TMEM181: variants seen among roughly 807,000 people sequenced by gnomAD.
TMEM181 encodes the protein G protein-coupled receptor 178.
In TMEM181, 39 loss-of-function variants were observed where a neutral mutation model predicts 71.9. That is an observed-to-expected ratio of 0.54 (90% CI 0.42 to 0.71). The LOEUF (loss-of-function observed/expected upper bound fraction) is 0.71. TMEM181 is among the 30% of genes least tolerant of loss of function. The pLI, the probability that TMEM181 is intolerant of heterozygous loss-of-function variation, is 0.00. For missense variants in TMEM181, 595 were observed against 583.0 expected (o/e 1.02, Z -0.21); for synonymous variants, 245 against 228.8 (o/e 1.07, Z -0.64).
At chr6:158,604,978 G>A (rs1784863992) in intron 6 of TMEM181, among the ~76,000 whole-genome samples, 1 of 151,878 alleles carries the variant, frequency 6.6e-6, no homozygotes, top group African/African-American at 2.4e-5. Flanking sequence ...AACCTGCATG[G>A]TGGCAGGCAC....
At chr6:158,607,929 C>T (rs1583025237) in intron 8 of TMEM181, among the ~76,000 whole-genome samples, 1 of 152,254 alleles carries the variant, frequency 6.6e-6, no homozygotes, top group African/African-American at 2.4e-5. Context: ...TTCCTCTTTT[C>T]CTGCTCCAAA....
intron 13 of TMEM181, among the ~76,000 whole-genome samples, chr6:158,626,985 C>G (rs1272868957): frequency 6.7e-6 from 1 of 149,316 alleles, no homozygotes; most frequent in Non-Finnish European, 1.5e-5. Context: ...TCATCACTCA[C>G]ACACCCTCAC....
chr6:158,573,398 C>T (rs762331879), intron 1 of TMEM181, 22 bp from the exon 2 acceptor site: 2 of 1,560,216 alleles, frequency 1.3e-6, no homozygotes, highest in Non-Finnish European at 1.7e-6. Context: ...GACCGTCCCT[C>T]ACTGCTGGCT....
chr6:158,561,285 A>G (rs548918992), intron 1 of TMEM181, among the ~76,000 whole-genome samples: 6 of 152,172 alleles, frequency 3.9e-5, no homozygotes, highest in Non-Finnish European at 7.3e-5. Flanking sequence ...TGACTTTGGT[A>G]TGTTGCTTTA....
intron 10 of TMEM181, chr6:158,610,631 G>T (rs964723580): frequency 6.6e-5 from 22 of 335,668 alleles, no homozygotes; most frequent in Non-Finnish European, 1.0e-4. Flanking sequence ...CGAGCTTCTG[G>T]AGAAGTGAAA....
At chr6:158,609,216 G>A (rs1422489178) in intron 10 of TMEM181, among the ~76,000 whole-genome samples, 2 of 151,984 alleles carry the variant, frequency 1.3e-5, no homozygotes, top group African/African-American at 2.4e-5. Context: ...CCTTATTTTT[G>A]GGGGATTTGT....
chr6:158,612,844 A>C (rs368881270), intron 10 of TMEM181, among the ~76,000 whole-genome samples: 1 of 152,268 alleles, frequency 6.6e-6, no homozygotes, highest in Non-Finnish European at 1.5e-5. Context: ...AGGGTGCTGC[A>C]GTACATAGTC....
At chr6:158,577,839 C>T (rs1582973864) in intron 2 of TMEM181, among the ~76,000 whole-genome samples, 2 of 152,262 alleles carry the variant, frequency 1.3e-5, no homozygotes, top group African/African-American at 4.8e-5. Context: ...CCCTGTAATC[C>T]CAGTACTTTG....
chr6:158,572,857 T>C (rs961908872), intron 1 of TMEM181, among the ~76,000 whole-genome samples: 1 of 151,182 alleles, frequency 6.6e-6, no homozygotes, highest in Non-Finnish European at 1.5e-5. Context: ...GATGTGGGCT[T>C]GTGGGAATGG....
Position 158,631,803 on chromosome 6 carries a change from C to T in TMEM181, c.1350-7C>T. On this transcript the variant is annotated splice_region_variant and splice_polypyrimidine_tract_variant and intron_variant, in intron 16 of 16. Coordinates refer to ENST00000684151, the MANE Select transcript of TMEM181 (RefSeq NM_001376852.1). ...TTAGACGGTCTCAAAGGTCTCTTTGCTCACAGGAGTGACTATGAGGAAATG... is the reference window on the plus strand; with the variant it reads ...TTAGACGGTCTCAAAGGTCTCTTTGTTCACAGGAGTGACTATGAGGAAATG... The T allele has an allele frequency of 1.3e-6, 2 of 1,592,830 alleles. No individual in the cohort carries two copies. Among genetic ancestry groups the T allele is most frequent in the South Asian group, 1.1e-5 (1 of 87,620 alleles).
chr6:158,542,243 T>G (rs978534324), intron 1 of TMEM181, among the ~76,000 whole-genome samples: 3 of 152,112 alleles, frequency 2.0e-5, no homozygotes, highest in African/African-American at 7.2e-5. Flanking sequence ...GAGGCTAACA[T>G]ATTCTGAATC....
At chr6:158,579,157 G>A (rs1783328370) in intron 2 of TMEM181, among the ~76,000 whole-genome samples, 1 of 152,062 alleles carries the variant, frequency 6.6e-6, no homozygotes, top group Admixed American at 6.5e-5. Flanking sequence ...TACTTGGGAG[G>A]CTGAGGCAGG....
At chr6:158,567,010 G>A (rs990387947) in intron 1 of TMEM181, among the ~76,000 whole-genome samples, 3 of 152,338 alleles carry the variant, frequency 2.0e-5, no homozygotes, top group African/African-American at 4.8e-5. Flanking sequence ...ACCTGTGAAA[G>A]TGAGATTAAT....
chr6:158,625,177 GT>G lies in TMEM181; in HGVS notation c.1030del (p.Ser344ProfsTer13). 1.2e-6 allele frequency: 2 copies of G among 1,614,210 alleles called. No homozygotes were observed. Among genetic ancestry groups the G allele is most frequent in the Non-Finnish European group, 1.7e-6 (2 of 1,180,038 alleles). On this transcript the variant is annotated frameshift_variant, in exon 12 of 17. Transcript: ENST00000684151. LOFTEE classifies it high-confidence loss of function. ...LYLLFLIVRA[C>X]SELRHMPYVD... ...CTCTTGTTCTTGATAGTGCGGGCGT[GT>G]TCCGAGCTACGTCACATGCCTTATG... is the stretch of plus-strand genomic sequence containing the variant.
intron 3 of TMEM181, among the ~76,000 whole-genome samples, chr6:158,582,974 C>CTTG (rs1293002020): frequency 6.6e-6 from 1 of 152,188 alleles, no homozygotes; most frequent in Non-Finnish European, 1.5e-5. Flanking sequence ...GTGGCTCATG[C>CTTG]TTGTAATCCC....
intron 1 of TMEM181, among the ~76,000 whole-genome samples, chr6:158,540,750 C>T (rs1008907517): frequency 6.6e-6 from 1 of 152,026 alleles, no homozygotes; most frequent in Non-Finnish European, 1.5e-5. Flanking sequence ...GGCTGCACAT[C>T]AGAATCATCT....
At chr6:158,628,047 A>G (rs1360101193) in intron 13 of TMEM181, among the ~76,000 whole-genome samples, 1 of 152,224 alleles carries the variant, frequency 6.6e-6, no homozygotes, top group Non-Finnish European at 1.5e-5. Flanking sequence ...GCTCTGTCAC[A>G]GGAGATGGTC....
intron 2 of TMEM181, among the ~76,000 whole-genome samples, chr6:158,576,611 C>G (rs1174285691): frequency 1.3e-5 from 2 of 152,026 alleles, no homozygotes; most frequent in Non-Finnish European, 2.9e-5. Flanking sequence ...TCAGAGAAAA[C>G]CTTAAGTTTA....
intron 10 of TMEM181, among the ~76,000 whole-genome samples, chr6:158,616,837 A>G (rs1200124129): frequency 1.3e-5 from 2 of 152,192 alleles, no homozygotes; most frequent in Non-Finnish European, 2.9e-5. Flanking sequence ...GATGAAGCCA[A>G]CTTGATCGTG....
Sources: allele counts gnomAD v4.1 joint callset (sites outside exome capture counted in the v4.1 genomes callset), GRCh38; gene constraint gnomAD v4.1.1; transcripts MANE v1.5; gene names NCBI Gene and HGNC (gene_info 2026-07-23, HGNC 2026-07-21).